Variants in GRIP1 observed in about 807,000 individuals in gnomAD.
GRIP1 encodes the protein glutamate receptor interacting protein 1.
In GRIP1, 45 loss-of-function variants were observed where a neutral mutation model predicts 129.9. The ratio of observed to expected loss-of-function variants is 0.35; its 90% CI spans 0.27 to 0.44. GRIP1 has a LOEUF of 0.44. Among genes scored for constraint, GRIP1 ranks in the 20% least tolerant of loss-of-function variants. The probability of loss-of-function intolerance (pLI) is 1.00; values close to 1 mark genes in which losing one functional copy is unlikely to be tolerated. For missense variants in GRIP1, 1,196 were observed against 1,396.8 expected, an observed-to-expected ratio of 0.86 and a Z score of 2.29; for synonymous variants, 530 against 520.8, an observed-to-expected ratio of 1.02 and a Z score of -0.24.
At chr12:66,443,277 C>A (rs2058519696) in intron 13 of GRIP1, among the ~76,000 whole-genome samples, 1 of 152,232 alleles carries the variant, frequency 6.6e-6, no homozygotes, top group African/African-American at 2.4e-5. Context: ...GGAGAATCCC[C>A]TTTGCCCCCC....
chr12:66,419,271 G>A (rs1410528596), intron 15 of GRIP1, among the ~76,000 whole-genome samples: 1 of 152,084 alleles, frequency 6.6e-6, no homozygotes, highest in Non-Finnish European at 1.5e-5. Context: ...GAGAGAGAGA[G>A]AGTAGAAGGA....
chr12:66,858,919 T>G (rs1026651068), intron 1 of GRIP1, among the ~76,000 whole-genome samples: 2 of 151,870 alleles, frequency 1.3e-5, no homozygotes, highest in African/African-American at 4.8e-5. Context: ...ATGGGAAAAT[T>G]TTGATGTATC....
intron 1 of GRIP1, among the ~76,000 whole-genome samples, chr12:66,598,749 A>G (rs1469914695): frequency 6.6e-6 from 1 of 152,216 alleles, no homozygotes; most frequent in East Asian, 1.9e-4. Flanking sequence ...TGTGTTTATG[A>G]GCATAGAGCA....
intron 1 of GRIP1, among the ~76,000 whole-genome samples, chr12:66,802,377 C>T (rs183699365): frequency 8.5e-5 from 13 of 152,188 alleles, no homozygotes; most frequent in Non-Finnish European, 1.8e-4. Context: ...CTTAGCATGG[C>T]CTTGACAAAT....
intron 1 of GRIP1, among the ~76,000 whole-genome samples, chr12:67,025,762 T>C (rs2042934546): frequency 2.0e-5 from 3 of 152,102 alleles, no homozygotes; most frequent in Non-Finnish European, 2.9e-5. Flanking sequence ...TGTGGATAAA[T>C]GGAAGATAAC....
At chr12:66,954,169 C>G (rs991607752) in intron 1 of GRIP1, among the ~76,000 whole-genome samples, 7 of 152,116 alleles carry the variant, frequency 4.6e-5, no homozygotes, top group African/African-American at 1.7e-4. Context: ...CATCTAAATC[C>G]CTTCTGTCTC....
At chr12:66,575,382 C>A (rs888891453) in intron 2 of GRIP1, among the ~76,000 whole-genome samples, 1 of 152,022 alleles carries the variant, frequency 6.6e-6, no homozygotes, top group Non-Finnish European at 1.5e-5. Context: ...ATTGATGATA[C>A]CAATGTGTCT....
intron 23 of GRIP1, among the ~76,000 whole-genome samples, chr12:66,355,245 C>A (rs2054428300): frequency 6.6e-6 from 1 of 152,124 alleles, no homozygotes; most frequent in African/African-American, 2.4e-5. Context: ...TGCACACACA[C>A]TGGACACTAC....
intron 1 of GRIP1, among the ~76,000 whole-genome samples, chr12:66,965,750 C>T (rs1240438254): frequency 6.6e-6 from 1 of 152,140 alleles, no homozygotes; most frequent in Non-Finnish European, 1.5e-5. Flanking sequence ...CACCTCCTAA[C>T]AGCTGTCATG....
chr12:67,029,092 G>A (rs2135770304), intron 1 of GRIP1, among the ~76,000 whole-genome samples: 1 of 152,142 alleles, frequency 6.6e-6, no homozygotes, highest in Middle Eastern at 3.4e-3. Context: ...AAAATAGTGA[G>A]ACTGTCTCTA....
At chr12:66,982,809 C>T (rs2042258226) in intron 1 of GRIP1, among the ~76,000 whole-genome samples, 2 of 152,156 alleles carry the variant, frequency 1.3e-5, no homozygotes, top group Admixed American at 1.3e-4. Context: ...TTCTGACCTG[C>T]AGGAACTTTT....
At chr12:66,774,128 C>T (rs1344225735) in intron 1 of GRIP1, among the ~76,000 whole-genome samples, 2 of 152,034 alleles carry the variant, frequency 1.3e-5, no homozygotes, top group Non-Finnish European at 2.9e-5. Flanking sequence ...AGGACAAAAC[C>T]AAATGCTTGA....
intron 1 of GRIP1, among the ~76,000 whole-genome samples, chr12:66,664,127 A>G (rs1292472404): frequency 1.3e-5 from 2 of 152,002 alleles, no homozygotes; most frequent in Non-Finnish European, 2.9e-5. Context: ...TGCATTTCCA[A>G]GACAATTTAA....
intron 23 of GRIP1, among the ~76,000 whole-genome samples, chr12:66,370,428 A>G (rs1050898726): frequency 1.3e-5 from 2 of 152,240 alleles, no homozygotes; most frequent in Non-Finnish European, 2.9e-5. Context: ...CCAACTTCCC[A>G]TACTATCCTT....
At chr12:66,357,123 A>C (rs1168353) in intron 23 of GRIP1, among the ~76,000 whole-genome samples, 74,387 of 151,934 alleles carry the variant, frequency 0.49, 18,652 homozygotes, top group East Asian at 0.58. Flanking sequence ...GTGATCCGCC[A>C]GCCTTGGCCT....
chr12:66,387,998 T>C (rs1438504372), intron 19 of GRIP1, among the ~76,000 whole-genome samples: 1 of 151,488 alleles, frequency 6.6e-6, no homozygotes, highest in Non-Finnish European at 1.5e-5. Flanking sequence ...AAATCATGCA[T>C]CCAACTTAAG....
intron 1 of GRIP1, among the ~76,000 whole-genome samples, chr12:66,988,232 C>G (rs1459850475): frequency 6.6e-6 from 1 of 152,100 alleles, no homozygotes; most frequent in Non-Finnish European, 1.5e-5. Context: ...ATTCCTTGAT[C>G]AATAGATATG....
chr12:66,368,811 C>T (rs961049), intron 23 of GRIP1, among the ~76,000 whole-genome samples: 3 of 151,916 alleles, frequency 2.0e-5, no homozygotes, highest in Non-Finnish European at 4.4e-5. Context: ...AACACACACA[C>T]AATTACCACT....
intron 1 of GRIP1, among the ~76,000 whole-genome samples, chr12:66,985,000 T>C (rs2042290871): frequency 6.6e-6 from 1 of 152,200 alleles, no homozygotes; most frequent in South Asian, 2.1e-4. Context: ...TTCTATGCCT[T>C]AGAATCATCT....
Sources: gnomAD v4.1 joint callset for allele counts (sites outside exome capture counted in the v4.1 genomes callset) on GRCh38, gnomAD v4.1.1 for gene constraint, MANE v1.5 for transcripts, NCBI Gene and HGNC (gene_info 2026-07-23, HGNC 2026-07-21) for gene names.